Variants in DHX57 observed in about 807,000 individuals in gnomAD.
The protein encoded by DHX57 is putative ATP-dependent RNA helicase DHX57.
In DHX57, 105 loss-of-function variants were observed where a neutral mutation model predicts 156.2. That is an observed-to-expected ratio of 0.67 (90% CI 0.57 to 0.79). The LOEUF (loss-of-function observed/expected upper bound fraction) is 0.79, where lower values mean the gene tolerates loss of function less well. DHX57 is among the 30% of genes least tolerant of loss of function. DHX57 has a pLI of 0.00. For synonymous variants in DHX57, 704 were observed against 595.6 expected (o/e 1.18, Z -2.65); for missense variants, 1,847 against 1,661.9 (o/e 1.11, Z -1.94).
intron 23 of DHX57, among the ~76,000 whole-genome samples, chr2:38,800,054 G>A (rs1053102749): frequency 6.6e-5 from 10 of 150,910 alleles, no homozygotes; most frequent in Admixed American, 4.0e-4. Flanking sequence ...GGGTGGTGGC[G>A]TATGCCTGTA....
At chr2:38,864,438 C>G (rs1664944262) in intron 2 of DHX57, among the ~76,000 whole-genome samples, 1 of 151,984 alleles carries the variant, frequency 6.6e-6, no homozygotes, top group African/African-American at 2.4e-5. Context: ...TATGATTTGT[C>G]TGATCATTAG....
At chr2:38,838,255 T>C (rs777252956) in intron 12 of DHX57, among the ~76,000 whole-genome samples, 114 of 152,144 alleles carry the variant, frequency 7.5e-4, no homozygotes, top group Non-Finnish European at 1.1e-3. Context: ...TGCACCACCA[T>C]ACCTGGTTAA....
rs187613895 is a variant in DHX57, at chr2:38,869,639, G to A, written c.-6-1228C>T. On this transcript the variant is annotated intron_variant, in intron 1 of 23. Transcript: ENST00000457308. ...CAACAACAGAGGCTTAAAATCGTAG[G>A]AGGGAAATAGACTTCACTAAAATAT... 1.2e-4 allele frequency among the ~76,000 whole-genome samples: 18 copies of A among 152,334 alleles called. No individual in the cohort carries two copies. In the East Asian group the frequency reaches 2.5e-3, roughly 21 times the overall value.
chr2:38,817,180 C>T (rs1254320587), intron 19 of DHX57, among the ~76,000 whole-genome samples: 2 of 152,158 alleles, frequency 1.3e-5, no homozygotes, highest in Non-Finnish European at 2.9e-5. Context: ...GTTCTGCCTG[C>T]CTTGGCTTCC....
rs569954347 is a variant in DHX57, at chr2:38,825,181, T to G, written c.3014+666A>C. Among the ~76,000 whole-genome samples the G allele has an allele frequency of 1.9e-3, 296 of 152,370 alleles. 2 individuals carry two copies. Among genetic ancestry groups the G allele is most frequent in the African/African-American group, 7.0e-3 (290 of 41,598 alleles). On this transcript the variant is annotated intron_variant, in intron 16 of 23. Transcript: ENST00000457308. Reference sequence around the variant, plus strand: ...GTTGCCAATCTATATACACACAATTTTACATTTTTATTAACATGTATATTT... The same window carrying G: ...GTTGCCAATCTATATACACACAATTGTACATTTTTATTAACATGTATATTT...
chr2:38,836,534 G>C (rs1671666168), intron 13 of DHX57, among the ~76,000 whole-genome samples: 1 of 152,120 alleles, frequency 6.6e-6, no homozygotes, highest in Non-Finnish European at 1.5e-5. Flanking sequence ...AGCACTTTGG[G>C]AGGCCAAGGT....
At chr2:38,851,521 G>T (rs1024026038) in intron 9 of DHX57, among the ~76,000 whole-genome samples, 33 of 152,030 alleles carry the variant, frequency 2.2e-4, no homozygotes, top group Non-Finnish European at 4.1e-4. Context: ...CTTGTAAACT[G>T]GTATTTGTAA....
intron 12 of DHX57, among the ~76,000 whole-genome samples, chr2:38,842,018 T>C (rs1183453642): frequency 6.6e-6 from 1 of 152,076 alleles, no homozygotes. Context: ...ACAAAAGAAA[T>C]AGCAATTACC....
intron 12 of DHX57, among the ~76,000 whole-genome samples, chr2:38,839,781 C>A: frequency 1.3e-5 from 2 of 150,432 alleles, no homozygotes. Flanking sequence ...CCATGTTGGT[C>A]AAAAATGAAA....
chr2:38,866,652 G>A (rs1383823206), intron 2 of DHX57, among the ~76,000 whole-genome samples: 1 of 152,130 alleles, frequency 6.6e-6, no homozygotes, highest in East Asian at 1.9e-4. Flanking sequence ...CTAAAACAGT[G>A]CCTGGTGCAT....
intron 13 of DHX57, among the ~76,000 whole-genome samples, chr2:38,833,149 TA>T (rs1222987794): frequency 6.6e-6 from 1 of 152,036 alleles, no homozygotes; most frequent in Non-Finnish European, 1.5e-5. Context: ...TGAATTCTTT[TA>T]TTTTTTTTTG....
At chr2:38,804,593 G>T (rs894553009) in intron 22 of DHX57, among the ~76,000 whole-genome samples, 1 of 152,098 alleles carries the variant, frequency 6.6e-6, no homozygotes, top group Admixed American at 6.6e-5. Context: ...TCAAGTCCTT[G>T]CCATGGCTAC....
chr2:38,873,146 C>G (rs756763386), intron 1 of DHX57, among the ~76,000 whole-genome samples: 4 of 152,112 alleles, frequency 2.6e-5, no homozygotes, highest in Non-Finnish European at 5.9e-5. Context: ...CGCCACCATG[C>G]TCCCTGACTA....
At chr2:38,831,154 G>A (rs761860855) in intron 13 of DHX57, among the ~76,000 whole-genome samples, 4 of 151,632 alleles carry the variant, frequency 2.6e-5, no homozygotes, top group Admixed American at 6.6e-5. Context: ...ATTAAACAAC[G>A]ATGAAACATA....
chr2:38,853,721 A>G (rs1672733511), intron 9 of DHX57: 1 of 162,158 alleles, frequency 6.2e-6, no homozygotes, highest in African/African-American at 2.4e-5. Context: ...CAAATAAACA[A>G]GGAAGAAGAT....
chr2:38,851,484 C>A (rs1049355045), intron 9 of DHX57, among the ~76,000 whole-genome samples: 1 of 152,168 alleles, frequency 6.6e-6, no homozygotes, highest in African/African-American at 2.4e-5. Context: ...TATTCCCCTA[C>A]TTTTCCTTGT....
In DHX57 at chr2:38,861,636, G is replaced by C; in HGVS notation, c.774C>G (p.Ile258Met). 6.2e-7 allele frequency: 1 copy of C among 1,614,176 alleles called. No individual in the cohort carries two copies. The highest frequency in any genetic ancestry group is 2.2e-5 in the East Asian group (1 of 44,878). Residue 258 changes from isoleucine to methionine, a missense_variant, in exon 5 of 24, where the codon ATC becomes ATG. Coordinates refer to ENST00000457308, the MANE Select transcript of DHX57 (RefSeq NM_198963.3). ...RQEEAFALKS[I>M]CGEKFIERIQ... is the part of the protein sequence containing the mutation. The stretch of plus-strand genomic sequence containing the variant: ...TTCTTTCTATAAATTTTTCTCCACA[G>C]ATGGACTTGAGAGCAAATGCCTCTT...
chr2:38,801,044 A>C (rs541090006), intron 23 of DHX57, among the ~76,000 whole-genome samples: 2 of 152,146 alleles, frequency 1.3e-5, no homozygotes, highest in Non-Finnish European at 2.9e-5. Context: ...AATTTCATCT[A>C]TTTCTTTTTA....
intron 21 of DHX57, chr2:38,810,969 G>C: frequency 1.2e-6 from 1 of 827,008 alleles, no homozygotes; most frequent in East Asian, 2.7e-5. Context: ...CCTTGATGCT[G>C]GTCACCTTCA....
Sources: allele counts gnomAD v4.1 joint callset (sites outside exome capture counted in the v4.1 genomes callset), GRCh38; gene constraint gnomAD v4.1.1; transcripts MANE v1.5; gene names NCBI Gene and HGNC (gene_info 2026-07-23, HGNC 2026-07-21).